The following ZNF423 variants were observed in gnomAD, a reference collection of about 807,000 sequenced individuals.
ZNF423 encodes the protein Ebf-associated zinc finger protein.
ZNF423 carries 12 observed loss-of-function variants against 95.8 expected under a neutral mutation model. That is an observed-to-expected ratio of 0.13 (90% CI 0.08 to 0.20). ZNF423 has a LOEUF of 0.20. Ranked by LOEUF, ZNF423 falls within the 10% of genes least tolerant of loss-of-function variation. The pLI is 1.00. For synonymous variants in ZNF423, 749 were observed against 711.9 expected, an observed-to-expected ratio of 1.05 and a Z score of -0.83; for missense variants, 1,316 against 1,737.1, an observed-to-expected ratio of 0.76 and a Z score of 4.31.
intron 7 of ZNF423, among the ~76,000 whole-genome samples, chr16:49,515,142 A>G (rs1422541605): frequency 6.6e-6 from 1 of 152,240 alleles, no homozygotes; most frequent in African/African-American, 2.4e-5. Context: ...ACCCATCCTG[A>G]TGCTCATTTG....
At chr16:49,780,945 A>T (rs574822353) in intron 2 of ZNF423, among the ~76,000 whole-genome samples, 1 of 152,256 alleles carries the variant, frequency 6.6e-6, no homozygotes, top group Non-Finnish European at 1.5e-5. Context: ...GCTCAAGCAC[A>T]AAAGGTGGAC....
chr16:49,692,196 C>G (rs1052190333), intron 3 of ZNF423, among the ~76,000 whole-genome samples: 3 of 152,072 alleles, frequency 2.0e-5, no homozygotes, highest in African/African-American at 7.2e-5. Flanking sequence ...TTCAAGCGAT[C>G]CTCCTGTCTC....
At chr16:49,744,752 C>T (rs1352108465) in intron 2 of ZNF423, among the ~76,000 whole-genome samples, 1 of 152,188 alleles carries the variant, frequency 6.6e-6, no homozygotes, top group Non-Finnish European at 1.5e-5. Context: ...CCAGACCCAC[C>T]CCAGGGACCT....
At chr16:49,820,711 T>G (rs1242975584) in intron 1 of ZNF423, among the ~76,000 whole-genome samples, 2 of 152,226 alleles carry the variant, frequency 1.3e-5, no homozygotes, top group African/African-American at 4.8e-5. Context: ...AGATCCCAAT[T>G]TAAGAATCTC....
At chr16:49,667,597 G>A (rs191090412) in intron 3 of ZNF423, among the ~76,000 whole-genome samples, 2 of 152,236 alleles carry the variant, frequency 1.3e-5, no homozygotes, top group African/African-American at 2.4e-5. Flanking sequence ...AAAGGAAACC[G>A]AGGGCTGGGC....
intron 1 of ZNF423, among the ~76,000 whole-genome samples, chr16:49,830,751 A>G (rs2035052587): frequency 6.6e-6 from 1 of 152,152 alleles, no homozygotes; most frequent in Non-Finnish European, 1.5e-5. Context: ...AGCAGGACAG[A>G]GCATAAAGAC....
chr16:49,777,123 G>A (rs2034134455), intron 2 of ZNF423, among the ~76,000 whole-genome samples: 1 of 152,228 alleles, frequency 6.6e-6, no homozygotes. Flanking sequence ...GCAGGCATCT[G>A]TGTGGGTGTG....
intron 3 of ZNF423, 129 bp from the exon 4 acceptor site, chr16:49,639,003 G>T (rs1596768958): frequency 6.9e-7 from 1 of 1,441,146 alleles, no homozygotes; most frequent in East Asian, 2.5e-5. Flanking sequence ...GGGGGCTGTG[G>T]GGAGGGGCAG....
chr16:49,503,995 C>T (rs73578429), intron 7 of ZNF423, among the ~76,000 whole-genome samples: 6,433 of 152,216 alleles, frequency 0.042, 166 homozygotes, highest in African/African-American at 0.071. Flanking sequence ...GGACACTAGG[C>T]CAGGTGGAAT....
chr16:49,587,774 T>C (rs1426432441), intron 5 of ZNF423, among the ~76,000 whole-genome samples: 2 of 152,120 alleles, frequency 1.3e-5, no homozygotes, highest in Non-Finnish European at 2.9e-5. Flanking sequence ...AAGAGCATCA[T>C]GCTCTTTGCA....
At chr16:49,697,392 G>A (rs531822339) in intron 3 of ZNF423, among the ~76,000 whole-genome samples, 1 of 152,054 alleles carries the variant, frequency 6.6e-6, no homozygotes, top group African/African-American at 2.4e-5. Flanking sequence ...CCTTCTAATA[G>A]GAGGGCTCAC....
At chr16:49,532,486 T>C (rs530240926) in intron 5 of ZNF423, among the ~76,000 whole-genome samples, 1 of 152,288 alleles carries the variant, frequency 6.6e-6, no homozygotes, top group East Asian at 1.9e-4. Flanking sequence ...AAGGGACCCA[T>C]CGTATGGTCC....
At chr16:49,668,711 C>T (rs2030658616) in intron 3 of ZNF423, among the ~76,000 whole-genome samples, 1 of 152,118 alleles carries the variant, frequency 6.6e-6, no homozygotes, top group East Asian at 1.9e-4. Flanking sequence ...ACTAACGCTG[C>T]AGACCCACAG....
In ZNF423 at chr16:49,705,609, G is replaced by T. The variant is rs140844180; in HGVS notation, c.301+25162C>A. Among the ~76,000 whole-genome samples, 200 of 152,282 alleles carry T rather than the reference G, an allele frequency of 1.3e-3. 1 individual carries two copies. Among genetic ancestry groups the T allele is most frequent in the African/African-American group, 4.1e-3 (172 of 41,558 alleles). On this transcript the variant is annotated intron_variant, in intron 3 of 7. Coordinates refer to ENST00000563137, the MANE Select transcript of ZNF423 (RefSeq NM_001379286.1). ...GTTGCCCAGGCTAGAGTGCAGTGGT[G>T]CGATCTAGGCTCACTGCAACCTCTA...
In ZNF423 at chr16:49,759,688, G is replaced by GT. The variant is rs761994644; in HGVS notation, c.101-28718dup. On this transcript the variant is annotated intron_variant, in intron 2 of 7. Coordinates refer to ENST00000563137, the MANE Select transcript of ZNF423 (RefSeq NM_001379286.1). ...CTGAAACTTCCTGCTTTTAACCCCT[G>GT]TGACAGCTTAGAGTTAAGATCCCAA... Among the ~76,000 whole-genome samples, 39 of 152,332 alleles carry GT rather than the reference G, an allele frequency of 2.6e-4. 2 individuals are homozygous for GT. In the Middle Eastern group the frequency reaches 0.027, roughly 106 times the overall value.
intron 2 of ZNF423, among the ~76,000 whole-genome samples, chr16:49,738,018 A>G (rs1055232352): frequency 6.6e-6 from 1 of 152,244 alleles, no homozygotes; most frequent in South Asian, 2.1e-4. Context: ...AGCTGCCTCC[A>G]TGCACCCGAG....
chr16:49,823,471 C>CAGCT (rs2034969997), intron 1 of ZNF423, among the ~76,000 whole-genome samples: 1 of 152,198 alleles, frequency 6.6e-6, no homozygotes, highest in African/African-American at 2.4e-5. Context: ...CGAGGGTGCA[C>CAGCT]AGCTAGCTGG....
At chr16:49,577,741 G>A (rs116285366) in intron 5 of ZNF423, among the ~76,000 whole-genome samples, 1,876 of 152,202 alleles carry the variant, frequency 0.012, 47 homozygotes, top group African/African-American at 0.042. Context: ...ATTTCCCCAC[G>A]CCCCACTGAT....
chr16:49,719,025 A>G (rs943252456), intron 3 of ZNF423, among the ~76,000 whole-genome samples: 6 of 152,232 alleles, frequency 3.9e-5, no homozygotes, highest in African/African-American at 1.4e-4. Context: ...CCTCACCCAC[A>G]GGCATTTCTC....
Sources: allele counts gnomAD v4.1 joint callset (sites outside exome capture counted in the v4.1 genomes callset), GRCh38; gene constraint gnomAD v4.1.1; transcripts MANE v1.5; gene names NCBI Gene and HGNC (gene_info 2026-07-23, HGNC 2026-07-21).